PTDSS1: variants seen among roughly 807,000 people sequenced by gnomAD.
The protein encoded by PTDSS1 is PSS-1.
A neutral mutation model predicts 70.5 loss-of-function variants in PTDSS1; 45 were observed. The observed-to-expected ratio is 0.64, with a 90% CI of 0.50 to 0.82. The LOEUF is 0.82. PTDSS1 is among the 40% of genes least tolerant of loss of function. The pLI is 0.00. For synonymous variants in PTDSS1, 188 were observed against 203.8 expected (o/e 0.92, Z 0.66); for missense variants, 417 against 586.1 (o/e 0.71, Z 2.98).
chr8:96,310,868 C>T lies in PTDSS1; in HGVS notation c.1073+1246C>T, dbSNP rs533787928. 4.6e-5 allele frequency among the ~76,000 whole-genome samples: 7 copies of T among 151,754 alleles called. No homozygotes were observed. The East Asian group carries it at 5.9e-4, about 13-fold the overall frequency. ...GCAACCTCCGCCTCCCAGGTTCAAG[C>T]GATTCTCCTGCCTCAGTCCCCCAAG... On this transcript the variant is annotated intron_variant, in intron 9 of 12. Transcript: ENST00000517309.
intron 2 of PTDSS1, among the ~76,000 whole-genome samples, chr8:96,281,346 C>T (rs1347900163): frequency 2.6e-5 from 4 of 152,162 alleles, no homozygotes; most frequent in East Asian, 1.9e-4. Flanking sequence ...GGCTCACACT[C>T]GCAGGGCGGC....
intron 2 of PTDSS1, among the ~76,000 whole-genome samples, chr8:96,277,671 C>T (rs1485082608): frequency 6.6e-6 from 1 of 152,224 alleles, no homozygotes; most frequent in Non-Finnish European, 1.5e-5. Flanking sequence ...AAATGCTGCC[C>T]TGCACGGCTG....
At chr8:96,317,930 C>T (rs1037848107) in intron 9 of PTDSS1, among the ~76,000 whole-genome samples, 1 of 147,268 alleles carries the variant, frequency 6.8e-6, no homozygotes, top group African/African-American at 2.5e-5. Flanking sequence ...TACACGCATG[C>T]GTATACTGGA....
chr8:96,297,282 G>A (rs1459098954), intron 5 of PTDSS1, among the ~76,000 whole-genome samples: 1 of 152,070 alleles, frequency 6.6e-6, no homozygotes, highest in Non-Finnish European at 1.5e-5. Flanking sequence ...GGGCTCAAGC[G>A]ATTCTCTTGC....
At chr8:96,283,948 C>T (rs1810783602) in intron 2 of PTDSS1, among the ~76,000 whole-genome samples, 161 bp from the exon 3 acceptor site, 1 of 151,750 alleles carries the variant, frequency 6.6e-6, no homozygotes, top group African/African-American at 2.4e-5. Flanking sequence ...AACATTTCAA[C>T]CAAACTTTGA....
Position 96,308,887 on chromosome 8 carries a change from G to GT in PTDSS1, c.1008-662dup, listed in dbSNP as rs564942789. On this transcript the variant is annotated intron_variant, in intron 8 of 12. Transcript: ENST00000517309. The stretch of plus-strand genomic sequence containing the variant: ...GCCTTTCAACACCATGTCATTGCCT[G>GT]TTTTTTTTCTGAACTTGTCAGTAAC... 1.4e-3 allele frequency among the ~76,000 whole-genome samples: 207 copies of GT among 151,830 alleles called. 1 individual carries two copies. The highest frequency in any genetic ancestry group is 0.012 in the South Asian group (59 of 4,812).
At chr8:96,263,051 C>T (rs1810433890) in intron 1 of PTDSS1, among the ~76,000 whole-genome samples, 1 of 152,140 alleles carries the variant, frequency 6.6e-6, no homozygotes, top group South Asian at 2.1e-4. Flanking sequence ...TTTAATGGTG[C>T]CTGGGGTATA....
At chr8:96,320,967 G>A (rs1404437112) in intron 10 of PTDSS1, among the ~76,000 whole-genome samples, 1 of 152,204 alleles carries the variant, frequency 6.6e-6, no homozygotes, top group Non-Finnish European at 1.5e-5. Flanking sequence ...TACACATTTT[G>A]TAACTGCCAT....
intron 10 of PTDSS1, among the ~76,000 whole-genome samples, chr8:96,320,819 G>C (rs1166685531): frequency 6.6e-6 from 1 of 152,194 alleles, no homozygotes; most frequent in East Asian, 1.9e-4. Context: ...CTGCCCTCCA[G>C]GTCCACGTTA....
At chr8:96,276,628 G>A (rs1034737815) in intron 2 of PTDSS1, among the ~76,000 whole-genome samples, 10 of 152,260 alleles carry the variant, frequency 6.6e-5, no homozygotes, top group Admixed American at 4.6e-4. Flanking sequence ...TTTCCCTTCC[G>A]CGGTGCTGCT....
intron 7 of PTDSS1, 36 bp from the exon 8 acceptor site, chr8:96,306,407 GA>G: frequency 2.1e-6 from 3 of 1,412,656 alleles, no homozygotes; most frequent in Non-Finnish European, 3.0e-6. Flanking sequence ...GAATTAGCAT[GA>G]GGTACCAGGT....
Position 96,299,729 on chromosome 8 carries a change from G to A in PTDSS1, c.636G>A (p.Glu212=), listed in dbSNP as rs748182224. 2.5e-6 allele frequency: 4 copies of A among 1,613,914 alleles called. No homozygotes were observed. The East Asian group carries it at 8.9e-5, about 36-fold the overall frequency. Residue 212 remains glutamate (E), a synonymous_variant, in exon 6 of 13, where the codon GAG becomes GAA. Coordinates refer to ENST00000517309, the MANE Select transcript of PTDSS1 (RefSeq NM_014754.3). ...FFMHLLPNFA[E]CWWDQVILDI... Reference sequence around the variant, plus strand: ...TGCATCTCCTCCCCAATTTTGCCGAGTGCTGGTGGGATCAAGTCATTCTGG... The same window carrying A: ...TGCATCTCCTCCCCAATTTTGCCGAATGCTGGTGGGATCAAGTCATTCTGG...
intron 9 of PTDSS1, among the ~76,000 whole-genome samples, chr8:96,318,019 C>T (rs370022003): frequency 6.6e-6 from 1 of 151,768 alleles, no homozygotes; most frequent in East Asian, 1.9e-4. Flanking sequence ...CAGCTTTAGT[C>T]GGCCAATCAG....
At chr8:96,323,972 C>G (rs1024468608) in intron 10 of PTDSS1, among the ~76,000 whole-genome samples, 1 of 152,166 alleles carries the variant, frequency 6.6e-6, no homozygotes, top group South Asian at 2.1e-4. Flanking sequence ...CACAGTAGCC[C>G]GAATGCTTTG....
intron 10 of PTDSS1, among the ~76,000 whole-genome samples, chr8:96,326,536 C>A (rs1182200390): frequency 6.6e-6 from 1 of 152,174 alleles, no homozygotes; most frequent in East Asian, 1.9e-4. Flanking sequence ...TTGCGACATG[C>A]AGGTGGCTGG....
chr8:96,261,942 T>C lies in PTDSS1; in HGVS notation c.-99T>C, dbSNP rs969384083. The C allele has an allele frequency of 1.8e-5, 24 of 1,302,684 alleles. No homozygotes were observed. Among genetic ancestry groups the C allele is most frequent in the South Asian group, 4.3e-5 (3 of 69,614 alleles). The allele number at this position is 1,302,684 out of a possible 1,614,324, so 80.7% of individuals were successfully genotyped here. ...CTTTGCTGGGCGCCAGACCCGGCTTTGCCGTCCGGCTATTAGCCTACTGTG... is the reference window on the plus strand; with the variant it reads ...CTTTGCTGGGCGCCAGACCCGGCTTCGCCGTCCGGCTATTAGCCTACTGTG... On this transcript the variant is annotated 5_prime_UTR_variant, in exon 1 of 13. Coordinates refer to ENST00000517309, the MANE Select transcript of PTDSS1 (RefSeq NM_014754.3).
Position 96,335,651 on chromosome 8 carries a change from T to G in PTDSS1, c.*2085T>G, listed in dbSNP as rs1194725103. 6.6e-6 allele frequency: 1 copy of G among 152,208 alleles called. No individual in the cohort carries two copies. The highest frequency in any genetic ancestry group is 2.4e-5 in the African/African-American group (1 of 41,446). The allele number at this position is 152,208 out of a possible 1,614,324, so 9.4% of individuals were successfully genotyped here. On this transcript the variant is annotated 3_prime_UTR_variant, in exon 13 of 13. Transcript: ENST00000517309. Reference sequence around the variant, plus strand: ...CAGCCAGGAAAGTTCTCAGATACTTTCCATGCCCTTTCTTTGAGTTGAAAC... The same window carrying G: ...CAGCCAGGAAAGTTCTCAGATACTTGCCATGCCCTTTCTTTGAGTTGAAAC...
chr8:96,311,207 A>G (rs1811207470), intron 9 of PTDSS1, among the ~76,000 whole-genome samples: 1 of 152,236 alleles, frequency 6.6e-6, no homozygotes, highest in Non-Finnish European at 1.5e-5. Context: ...GCAACAATTT[A>G]CCATCCCATT....
intron 11 of PTDSS1, chr8:96,330,817 A>T: frequency 1.8e-6 from 1 of 554,508 alleles, no homozygotes; most frequent in African/African-American, 1.9e-5. Context: ...AACTTAAGGC[A>T]TGTTGTGGAA....
Sources: gnomAD v4.1 joint callset for allele counts (sites outside exome capture counted in the v4.1 genomes callset) on GRCh38, gnomAD v4.1.1 for gene constraint, MANE v1.5 for transcripts, NCBI Gene and HGNC (gene_info 2026-07-23, HGNC 2026-07-21) for gene names.